Variants in VIPR2 observed in about 807,000 individuals in gnomAD.
VIPR2 encodes vasoactive intestinal peptide receptor 2.
In VIPR2, 48 loss-of-function variants were observed where a neutral mutation model predicts 58.0. The observed-to-expected ratio is 0.83, with a 90% CI of 0.66 to 1.05. The LOEUF is 1.05. Ranked by LOEUF, VIPR2 falls within the 50% of genes least tolerant of loss-of-function variation. The pLI, the probability that VIPR2 is intolerant of heterozygous loss-of-function variation, is 0.00. For synonymous variants in VIPR2, 243 were observed against 235.2 expected (o/e 1.03, Z -0.30); for missense variants, 534 against 558.0 (o/e 0.96, Z 0.43).
At position 159,103,771 on chromosome 7, in the gene VIPR2, C is replaced by T. The variant is rs778025216; in HGVS notation, c.343G>A (p.Glu115Lys). 6.2e-7 allele frequency: 1 copy of T among 1,614,136 alleles called. No homozygotes were observed. Among genetic ancestry groups the T allele is most frequent in the African/African-American group, 1.3e-5 (1 of 75,050 alleles). ...CAGGAGCCTACCTTGCTCTCATCCT[C>T]CGGGTCGCTGTAGCCACAGGCATCG... ...FVDACGYSDPEDESKITFYIL... is the reference protein window; with the variant it reads ...FVDACGYSDPKDESKITFYIL... The change falls in exon 4 of 13, where the codon GAG becomes AAG. Residue 115 changes from glutamate to lysine, a missense_variant. Coordinates refer to ENST00000262178, the MANE Select transcript of VIPR2 (RefSeq NM_003382.5).
chr7:159,071,097 C>T (rs1856364266), intron 4 of VIPR2, among the ~76,000 whole-genome samples: 1 of 152,210 alleles, frequency 6.6e-6, no homozygotes, highest in Non-Finnish European at 1.5e-5. Context: ...GGAGGTGGGT[C>T]GAGCAACTTC....
intron 4 of VIPR2, among the ~76,000 whole-genome samples, chr7:159,102,546 C>A (rs1356438963): frequency 6.6e-6 from 1 of 152,220 alleles, no homozygotes; most frequent in Non-Finnish European, 1.5e-5. Context: ...TACTTCCTTT[C>A]CTAGGGTTTA....
intron 2 of VIPR2, 33 bp from the exon 3 acceptor site, chr7:159,109,952 A>C (rs763156402): frequency 1.9e-6 from 3 of 1,602,842 alleles, no homozygotes; most frequent in East Asian, 2.2e-5. Flanking sequence ...AGGCAGGTGC[A>C]AGGTGACAGA....
chr7:159,052,186 CA>C (rs147948200), intron 5 of VIPR2, among the ~76,000 whole-genome samples: 1 of 152,264 alleles, frequency 6.6e-6, no homozygotes, highest in East Asian at 1.9e-4. Context: ...ACACTTTATT[CA>C]GTAAGACTCA....
chr7:159,090,454 C>T (rs535484724), intron 4 of VIPR2, among the ~76,000 whole-genome samples: 2 of 71,574 alleles, frequency 2.8e-5, no homozygotes, highest in Non-Finnish European at 5.0e-5. Flanking sequence ...TCACAATCCC[C>T]GGTGACCTCA....
chr7:159,125,969 T>C (rs1480245543), intron 2 of VIPR2, among the ~76,000 whole-genome samples: 1 of 152,192 alleles, frequency 6.6e-6, no homozygotes, highest in Non-Finnish European at 1.5e-5. Context: ...TTCCAGGACC[T>C]TCTTGTCTTA....
chr7:159,084,002 G>C (rs1857043966), intron 4 of VIPR2, among the ~76,000 whole-genome samples: 2 of 152,324 alleles, frequency 1.3e-5, no homozygotes, highest in Admixed American at 1.3e-4. Context: ...CAAAGTCTCA[G>C]CTTCCCAGCC....
chr7:159,084,154 C>T (rs936073787), intron 4 of VIPR2, among the ~76,000 whole-genome samples: 2 of 152,384 alleles, frequency 1.3e-5, no homozygotes, highest in Middle Eastern at 3.4e-3. Context: ...AGTACTCAGA[C>T]AGCTTCTGTC....
rs747989359 is a variant in VIPR2 at position 159,032,003 on chromosome 7, C to G, written c.1036G>C (p.Val346Leu). 1 of 1,614,176 alleles carries G rather than the reference C, an allele frequency of 6.2e-7. No individual in the cohort carries two copies. The highest frequency in any genetic ancestry group is 8.5e-7 in the Non-Finnish European group (1 of 1,180,046). The change falls in exon 11 of 13, where the codon GTG (valine) becomes CTG (leucine). Residue 346 changes from valine to leucine, a missense_variant. This residue lies in a region of VIPR2 where 306 missense variants were observed against 285.8 expected (regional missense o/e 1.07). Coordinates refer to ENST00000262178, the MANE Select transcript of VIPR2 (RefSeq NM_003382.5). ...LFGVHYMVFA[V>L]FPISISSKYQ... ...TTGGAGGAGATGCTGATGGGAAACACGGCAAACACCATGTAGTGGACGCCG... is the reference window on the plus strand; with the variant it reads ...TTGGAGGAGATGCTGATGGGAAACAGGGCAAACACCATGTAGTGGACGCCG...
intron 6 of VIPR2, among the ~76,000 whole-genome samples, chr7:159,039,110 A>T (rs1854160533): frequency 1.3e-5 from 2 of 152,244 alleles, no homozygotes; most frequent in African/African-American, 2.4e-5. Context: ...TGCAGCTGTC[A>T]GCTGTCTCAG....
In VIPR2 at chr7:159,030,308, A is replaced by G. The variant is rs191458374; in HGVS notation, c.*308T>C. On this transcript the variant is annotated 3_prime_UTR_variant, in exon 13 of 13. Coordinates refer to ENST00000262178, the MANE Select transcript of VIPR2 (RefSeq NM_003382.5). The stretch of plus-strand genomic sequence containing the variant: ...CAGGGAGCAGAGATCAGGCCACTGC[A>G]GTCCAGCCTGGGCGACAGAGCGAGA... The G allele has an allele frequency of 3.9e-3, 1,168 of 300,864 alleles. 16 individuals are homozygous for G. Among genetic ancestry groups the G allele is most frequent in the African/African-American group, 0.025 (1,076 of 42,576 alleles). The allele number at this position is 300,864 out of a possible 1,614,324, so 18.6% of individuals were successfully genotyped here.
chr7:159,132,787 TAC>T (rs1397264638), intron 2 of VIPR2, among the ~76,000 whole-genome samples: 7 of 142,434 alleles, frequency 4.9e-5, no homozygotes, highest in Non-Finnish European at 9.6e-5. Flanking sequence ...ATGATTGGCA[TAC>T]AGACTGATTT....
intron 12 of VIPR2, 149 bp from the exon 13 acceptor site, chr7:159,030,938 T>C (rs1273455297): frequency 8.9e-7 from 1 of 1,127,396 alleles, no homozygotes; most frequent in Non-Finnish European, 1.2e-6. Flanking sequence ...GAAACGGCCT[T>C]GGGGGCAGAG....
chr7:159,097,817 T>G lies in VIPR2; in HGVS notation c.357+5940A>C, dbSNP rs1857957587. On this transcript the variant is annotated intron_variant, in intron 4 of 12. Transcript: ENST00000262178. This position sits in a 1 kb window ranked among gnomAD's most constrained non-coding sequence, Gnocchi z 5.3. The stretch of plus-strand genomic sequence containing the variant: ...GTGGGATAGGGCGGGCAACAGGGCT[T>G]TGTGCAAAGTCACTCAGCCATCGGT... 2.0e-5 allele frequency among the ~76,000 whole-genome samples: 3 copies of G among 152,134 alleles called. No homozygotes were observed. The highest frequency in any genetic ancestry group is 2.0e-4 in the Admixed American group (3 of 15,282).
rs1053236145 is a variant in VIPR2, at chr7:159,031,185, G to A, written c.1144-396C>T. Among the ~76,000 whole-genome samples, 2 of 152,320 alleles carry A rather than the reference G, an allele frequency of 1.3e-5. No homozygotes were observed. Among genetic ancestry groups the A allele is most frequent in the African/African-American group, 4.8e-5 (2 of 41,572 alleles). On this transcript the variant is annotated intron_variant, in intron 12 of 12. Coordinates refer to ENST00000262178, the MANE Select transcript of VIPR2 (RefSeq NM_003382.5). The surrounding 1 kb of genome is among the most constrained non-coding windows in gnomAD (Gnocchi z 4.0). Reference sequence around the variant, plus strand: ...GGGAATGTTAGCCCTGGGAGGGGGTGGGGATGAGTGAGGGGTGCCCGGACG... The same window carrying A: ...GGGAATGTTAGCCCTGGGAGGGGGTAGGGATGAGTGAGGGGTGCCCGGACG...
At chr7:159,076,773 G>A (rs189891899) in intron 4 of VIPR2, among the ~76,000 whole-genome samples, 5 of 152,114 alleles carry the variant, frequency 3.3e-5, no homozygotes, top group Admixed American at 2.0e-4. Flanking sequence ...CATGTGACAC[G>A]GATAATCTTT....
chr7:159,086,510 G>C (rs1174571076), intron 4 of VIPR2, among the ~76,000 whole-genome samples: 1 of 152,260 alleles, frequency 6.6e-6, no homozygotes, highest in Non-Finnish European at 1.5e-5. Context: ...TTTGCCCCCA[G>C]GAAGGGCTGA....
chr7:159,113,819 C>T (rs149994715), intron 2 of VIPR2, among the ~76,000 whole-genome samples: 2,116 of 152,122 alleles, frequency 0.014, 32 homozygotes, highest in Admixed American at 0.034. Context: ...GATCTTTATT[C>T]TTGTTAGAAA....
chr7:159,046,465 T>C (rs1854657765), intron 5 of VIPR2, among the ~76,000 whole-genome samples: 1 of 152,196 alleles, frequency 6.6e-6, no homozygotes. Flanking sequence ...GGCCACATAT[T>C]GTATGACGCA....
Sources: allele counts gnomAD v4.1 joint callset (sites outside exome capture counted in the v4.1 genomes callset), GRCh38; gene constraint gnomAD v4.1.1; regional missense constraint gnomAD v4.1.1; non-coding constraint Gnocchi (gnomAD v3.1); transcripts MANE v1.5; gene names NCBI Gene and HGNC (gene_info 2026-07-23, HGNC 2026-07-21).